The following ALOXE3 variants were observed in gnomAD, a reference collection of about 807,000 sequenced individuals.
ALOXE3 encodes the protein arachidonate epidermal lipoxygenase 3, also known as hydroperoxide isomerase ALOXE3.
Under a neutral mutation model 87.5 loss-of-function variants are expected in ALOXE3, and 78 were observed. The observed-to-expected ratio is 0.89, with a 90% CI of 0.74 to 1.08. The LOEUF is 1.08. Among genes scored for constraint, ALOXE3 ranks in the 50% least tolerant of loss-of-function variants. The pLI is 0.00. For synonymous variants in ALOXE3, 363 were observed against 370.8 expected, an observed-to-expected ratio of 0.98 and a Z score of 0.24; for missense variants, 946 against 912.4, an observed-to-expected ratio of 1.04 and a Z score of -0.47.
At chr17:8,111,895 T>G (rs372026459) in intron 7 of ALOXE3, among the ~76,000 whole-genome samples, 198 bp downstream of exon 7, 4 of 152,296 alleles carry the variant, frequency 2.6e-5, no homozygotes, top group African/African-American at 9.6e-5. Context: ...CCCCTGTTTT[T>G]GTCCCCTCCT....
rs113428304 is a variant in ALOXE3, at chr17:8,106,273, C to T, written c.1685-2058G>A. 2.0e-3 allele frequency among the ~76,000 whole-genome samples: 298 copies of T among 152,208 alleles called. 1 individual carries two copies. The highest frequency in any genetic ancestry group is 6.7e-3 in the African/African-American group (280 of 41,526). ...AAGGTTTGGAGTCAGGCTGACTGGACGGAGGCTGATGCAACAGAACAGAGA... is the reference window on the plus strand; with the variant it reads ...AAGGTTTGGAGTCAGGCTGACTGGATGGAGGCTGATGCAACAGAACAGAGA... On this transcript the variant is annotated intron_variant, in intron 13 of 15. Transcript: ENST00000448843.
At chr17:8,101,716 AT>A (rs1266202817) in intron 15 of ALOXE3, among the ~76,000 whole-genome samples, 1 of 151,730 alleles carries the variant, frequency 6.6e-6, no homozygotes, top group African/African-American at 2.4e-5. Context: ...GGCTCACTGC[AT>A]TTTTTTACTT....
At chr17:8,117,789 C>A in intron 2 of ALOXE3, 55 bp downstream of exon 2, 1 of 1,582,456 alleles carries the variant, frequency 6.3e-7, no homozygotes, top group Non-Finnish European at 8.6e-7. Flanking sequence ...ATACTCCTCC[C>A]GCCTGCGGCC....
At chr17:8,100,829 A>C (rs111653107) in intron 15 of ALOXE3, among the ~76,000 whole-genome samples, 396 of 151,966 alleles carry the variant, frequency 2.6e-3, no homozygotes, top group African/African-American at 9.2e-3. Context: ...AAAAAAACAG[A>C]ACACACACAC....
chr17:8,107,995 G>A (rs190565642), intron 13 of ALOXE3, among the ~76,000 whole-genome samples: 107 of 7,112 alleles, frequency 0.015, 42 homozygotes, highest in African/African-American at 0.041. Flanking sequence ...AGAAAGAAAG[G>A]AAGGAAAGAA....
intron 12 of ALOXE3, 97 bp from the exon 13 acceptor site, chr17:8,108,686 A>C (rs1979725709): frequency 1.1e-5 from 17 of 1,552,364 alleles, no homozygotes; most frequent in Non-Finnish European, 1.5e-5. Context: ...AGAGAGACAG[A>C]TAGCCATGGG....
At chr17:8,110,803 T>C (rs1256219945) in intron 8 of ALOXE3, among the ~76,000 whole-genome samples, 1 of 152,068 alleles carries the variant, frequency 6.6e-6, no homozygotes, top group Admixed American at 6.5e-5. Context: ...CTTCCCACTC[T>C]CAACTCAGAT....
At chr17:8,115,457 G>A (rs1980502640) in intron 4 of ALOXE3, 150 bp downstream of exon 4, 1 of 794,094 alleles carries the variant, frequency 1.3e-6, no homozygotes, top group Non-Finnish European at 2.2e-6. Flanking sequence ...CAGATTCAGG[G>A]TCACTATTAA....
chr17:8,103,430 T>G lies in ALOXE3; in HGVS notation c.1849A>C (p.Lys617Gln). 2 of 1,614,052 alleles carry G rather than the reference T, an allele frequency of 1.2e-6. No individual in the cohort carries two copies. Among genetic ancestry groups the G allele is most frequent in the Non-Finnish European group, 1.7e-6 (2 of 1,179,996 alleles). Residue 617 changes from lysine (K) to glutamine (Q), a missense_variant, in exon 15 of 16, where the codon AAG (lysine) becomes CAG (glutamine). Transcript: ENST00000448843. Reference sequence around the variant, plus strand: ...TAAGTCTTCAGGGTGGTGGTCCCCTTGGTCTGGGGTGGGGGCTGCCTCATG... The same window carrying G: ...TAAGTCTTCAGGGTGGTGGTCCCCTGGGTCTGGGGTGGGGGCTGCCTCATG... ...SSMRQPPPQT[K>Q]GTTTLKTYLD...
In ALOXE3 at chr17:8,096,731, G is replaced by C; in HGVS notation, c.2032C>G (p.Arg678Gly). 6.2e-7 allele frequency: 1 copy of C among 1,614,090 alleles called. No homozygotes were observed. The highest frequency in any genetic ancestry group is 8.5e-7 in the Non-Finnish European group (1 of 1,179,942). The part of the protein sequence containing the change: ...PRRSIAAFQS[R>G]LAQISRDIQE... ...ATGTCCCTTGAGATCTGGGCCAGGCGGCTCTGGAAGGCGGCGATGCTCCGC... is the reference window on the plus strand; with the variant it reads ...ATGTCCCTTGAGATCTGGGCCAGGCCGCTCTGGAAGGCGGCGATGCTCCGC... Residue 678 changes from arginine (R) to glycine (G), a missense_variant, in exon 16 of 16, where the codon CGC (arginine) becomes GGC (glycine). Physicochemically the swap from Arg to Gly is moderately radical, Grantham distance 125. Transcript: ENST00000448843.
At chr17:8,114,297 G>A (rs1309449605) in intron 6 of ALOXE3, among the ~76,000 whole-genome samples, 187 bp downstream of exon 6, 1 of 149,842 alleles carries the variant, frequency 6.7e-6, no homozygotes, top group African/African-American at 2.5e-5. Context: ...GACAAGGGCA[G>A]GAAGGGGGCA....
Position 8,103,893 on chromosome 17 carries a change from T to C in ALOXE3, c.1785+222A>G, listed in dbSNP as rs150690542. 8.0e-4 allele frequency among the ~76,000 whole-genome samples: 121 copies of C among 152,024 alleles called. 2 individuals are homozygous for C. The East Asian group carries it at 0.023, about 29-fold the overall frequency. On this transcript the variant is annotated intron_variant, in intron 14 of 15. Transcript: ENST00000448843. ...CATGAGAGGAGCCCCTAAGTTCTTC[T>C]CCCAAATTAACATCAACTTGAATCA...
intron 7 of ALOXE3, 135 bp from the exon 8 acceptor site, chr17:8,111,666 C>T: frequency 2.4e-6 from 2 of 840,148 alleles, no homozygotes; most frequent in South Asian, 3.0e-5. Flanking sequence ...ATTATATCTT[C>T]AATTTAATAC....
intron 1 of ALOXE3, 86 bp downstream of exon 1, chr17:8,118,400 T>A (rs1980808384): frequency 3.2e-6 from 5 of 1,551,030 alleles, no homozygotes; most frequent in Non-Finnish European, 4.4e-6. Context: ...CCCGGACTGA[T>A]GCCCTGGAGT....
At chr17:8,105,775 T>G (rs113944217) in intron 13 of ALOXE3, among the ~76,000 whole-genome samples, 1 of 151,724 alleles carries the variant, frequency 6.6e-6, no homozygotes, top group African/African-American at 2.4e-5. Context: ...GATGCAGTGA[T>G]GTGGTGGTGC....
At chr17:8,111,171 A>T (rs1980045045) in intron 8 of ALOXE3, among the ~76,000 whole-genome samples, 188 bp downstream of exon 8, 1 of 151,970 alleles carries the variant, frequency 6.6e-6, no homozygotes, top group African/African-American at 2.4e-5. Context: ...AAGCCTCCCA[A>T]CCCCAGTCTG....
In ALOXE3 at chr17:8,096,855, G is replaced by A. The variant is rs781603201; in HGVS notation, c.1957-49C>T. 4 of 1,594,922 alleles carry A rather than the reference G, an allele frequency of 2.5e-6. No homozygotes were observed. The South Asian group carries it at 3.3e-5, about 13-fold the overall frequency. ...TCAGGATGACATTCAGATGGGATGG[G>A]GAATAACGGAGGACCACATGTAACA... On this transcript the variant is annotated intron_variant, in intron 15 of 15. Transcript: ENST00000448843.
At chr17:8,097,373 C>T (rs1457200651) in intron 15 of ALOXE3, among the ~76,000 whole-genome samples, 4 of 152,132 alleles carry the variant, frequency 2.6e-5, no homozygotes, top group South Asian at 2.1e-4. Context: ...TTCATACAAC[C>T]GAGATCAAAG....
chr17:8,100,888 C>T lies in ALOXE3; in HGVS notation c.1956+2435G>A, dbSNP rs567498421. ...CACAGCAGAAGACAGAAATATGACACTGGATTCAAAGCCTACTTACTAGCT... is the reference window on the plus strand; with the variant it reads ...CACAGCAGAAGACAGAAATATGACATTGGATTCAAAGCCTACTTACTAGCT... On this transcript the variant is annotated intron_variant, in intron 15 of 15. Coordinates refer to ENST00000448843, the MANE Select transcript of ALOXE3 (RefSeq NM_021628.3). 2.0e-5 allele frequency among the ~76,000 whole-genome samples: 3 copies of T among 152,334 alleles called. No individual in the cohort carries two copies. The East Asian group carries it at 5.8e-4, about 29-fold the overall frequency.
Sources: gnomAD v4.1 joint callset for allele counts (sites outside exome capture counted in the v4.1 genomes callset) on GRCh38, gnomAD v4.1.1 for gene constraint, MANE v1.5 for transcripts, NCBI Gene and HGNC (gene_info 2026-07-23, HGNC 2026-07-21) for gene names.